The following ACOT11 variants were observed in gnomAD, a reference collection of about 807,000 sequenced individuals.
ACOT11 encodes the protein acyl-CoA thioesterase 11, also known as acyl-coenzyme A thioesterase 11.
In ACOT11, 69 loss-of-function variants were observed where a neutral mutation model predicts 77.5. The observed-to-expected ratio is 0.89, with a 90% CI of 0.73 to 1.09. The LOEUF is 1.09. ACOT11 is among the 50% of genes least tolerant of loss of function. ACOT11 has a pLI of 0.00. For missense variants in ACOT11, 766 were observed against 813.7 expected (o/e 0.94, Z 0.71); for synonymous variants, 279 against 313.0 (o/e 0.89, Z 1.15).
intron 1 of ACOT11, among the ~76,000 whole-genome samples, chr1:54,562,111 C>A (rs1653527375): frequency 2.9e-5 from 2 of 69,350 alleles, no homozygotes; most frequent in Non-Finnish European, 5.3e-5. Flanking sequence ...CAACCTCCCT[C>A]CCGGACGGGG....
chr1:54,623,441 T>C, intron 15 of ACOT11: 1 of 1,369,514 alleles, frequency 7.3e-7, no homozygotes, highest in South Asian at 1.2e-5. Flanking sequence ...CGGCCCAGAG[T>C]CCCTGAGGCT....
chr1:54,562,503 CA>C (rs1356917754), intron 1 of ACOT11, among the ~76,000 whole-genome samples: 5 of 90,626 alleles, frequency 5.5e-5, no homozygotes, highest in Admixed American at 8.8e-5. Context: ...CTGACCCCCC[CA>C]CCTCCCTCCC....
chr1:54,611,126 T>G, downstream of ACOT11: 1 of 689,278 alleles, frequency 1.5e-6, no homozygotes, highest in South Asian at 6.5e-5. Flanking sequence ...ATGGAATCCC[T>G]CAGTTTCTCT....
At chr1:54,614,964 G>GCACA, downstream of ACOT11, 1 of 1,182,544 alleles carries the variant, frequency 8.5e-7, no homozygotes, top group Non-Finnish European at 1.2e-6. Context: ...GCATGTGCGT[G>GCACA]CACAGTGGAG....
intron 3 of ACOT11, among the ~76,000 whole-genome samples, chr1:54,590,587 A>AT (rs1394124834): frequency 6.6e-6 from 1 of 152,092 alleles, no homozygotes; most frequent in Non-Finnish European, 1.5e-5. Context: ...ATAGACTTTT[A>AT]TTTTTATCTG....
rs759911661 is a variant in ACOT11 at position 54,597,423 on chromosome 1, C to G, written c.764+8C>G. 3.1e-6 allele frequency: 5 copies of G among 1,604,856 alleles called. No individual in the cohort carries two copies. In the Admixed American group the frequency reaches 8.4e-5, roughly 27 times the overall value. On this transcript the variant is annotated splice_region_variant and intron_variant, in intron 7 of 15. Coordinates refer to ENST00000343744, the MANE Select transcript of ACOT11 (RefSeq NM_147161.4). ...GGCCACCATTGCAGCCAGGTGAGGG[C>G]AGGGTGTGCTGCCTCTGCCTCCCCT...
intron 3 of ACOT11, among the ~76,000 whole-genome samples, chr1:54,590,921 A>G (rs532229757): frequency 9.9e-5 from 15 of 152,040 alleles, no homozygotes; most frequent in African/African-American, 3.1e-4. Context: ...TGCTCAGCTT[A>G]TTTATTTATT....
intron 1 of ACOT11, among the ~76,000 whole-genome samples, chr1:54,569,981 T>C (rs186680877): frequency 1.3e-5 from 2 of 152,304 alleles, no homozygotes; most frequent in African/African-American, 4.8e-5. Flanking sequence ...ATTGAACACA[T>C]ATTTACTGAG....
chr1:54,584,075 C>T lies in ACOT11; in HGVS notation c.34-580C>T, dbSNP rs1654414289. On this transcript the variant is annotated intron_variant, in intron 1 of 15. Coordinates refer to ENST00000343744, the MANE Select transcript of ACOT11 (RefSeq NM_147161.4). The surrounding 1 kb of genome is among the most constrained non-coding windows in gnomAD (Gnocchi z 6.3). The stretch of plus-strand genomic sequence containing the variant: ...TTGTACCCAGCCCTGGATCAGACAG[C>T]TGGTCTGTGACTGCCCACAGCCCTC... 6.6e-6 allele frequency among the ~76,000 whole-genome samples: 1 copy of T among 152,190 alleles called. No individual in the cohort carries two copies. The highest frequency in any genetic ancestry group is 2.4e-5 in the African/African-American group (1 of 41,452).
intron 1 of ACOT11, among the ~76,000 whole-genome samples, chr1:54,569,643 C>G (rs1653868811): frequency 6.6e-6 from 1 of 152,192 alleles, no homozygotes; most frequent in South Asian, 2.1e-4. Flanking sequence ...CTTCAACAGC[C>G]ACAGGGTGCC....
exon 17 of ACOT11, chr1:54,635,610 G>A: frequency 5.0e-6 from 1 of 199,806 alleles, no homozygotes; most frequent in Admixed American, 5.9e-5. Context: ...GTGCTTAAAG[G>A]AGCTGCAGAA....
exon 17 of ACOT11, chr1:54,638,513 A>C (rs1644343109): frequency 6.6e-6 from 1 of 152,122 alleles, no homozygotes; most frequent in Non-Finnish European, 1.5e-5. Context: ...GTGCGCCACC[A>C]GGCCCAGCTA....
chr1:54,604,958 C>A, intron 12 of ACOT11, 118 bp from the exon 13 acceptor site: 1 of 1,051,882 alleles, frequency 9.5e-7, no homozygotes, highest in East Asian at 2.5e-5. Flanking sequence ...GGTTGAGCTG[C>A]GTGTTCACAT....
At chr1:54,553,117 A>T (rs1268618023) in intron 1 of ACOT11, among the ~76,000 whole-genome samples, 1 of 151,858 alleles carries the variant, frequency 6.6e-6, no homozygotes, top group Non-Finnish European at 1.5e-5. Context: ...GTGAACCACC[A>T]TGCCCGGCCA....
In ACOT11 at chr1:54,570,615, C is replaced by T. The variant is rs542691042; in HGVS notation, c.34-14040C>T. On this transcript the variant is annotated intron_variant, in intron 1 of 15. Coordinates refer to ENST00000343744, the MANE Select transcript of ACOT11 (RefSeq NM_147161.4). ...ACAACCTCCACCTCCTGGGTTCAAGCGATTCTCCTGCCTCAGCCTCCCAAA... is the reference window on the plus strand; with the variant it reads ...ACAACCTCCACCTCCTGGGTTCAAGTGATTCTCCTGCCTCAGCCTCCCAAA... Among the ~76,000 whole-genome samples, 6 of 152,048 alleles carry T rather than the reference C, an allele frequency of 3.9e-5. No individual in the cohort carries two copies. The South Asian group carries it at 1.0e-3, about 26-fold the overall frequency.
chr1:54,634,525 G>T (rs1276010790), intron 16 of ACOT11, among the ~76,000 whole-genome samples: 3 of 152,032 alleles, frequency 2.0e-5, no homozygotes, highest in Non-Finnish European at 1.5e-5. Context: ...TCATACCGAT[G>T]AACAACTGAT....
chr1:54,612,727 G>A (rs751927132), downstream of ACOT11: 3 of 1,603,594 alleles, frequency 1.9e-6, no homozygotes, highest in East Asian at 6.7e-5. Flanking sequence ...AAAAATCAGA[G>A]ATGTTGGTCT....
chr1:54,610,595 T>C, downstream of ACOT11: 1 of 1,597,782 alleles, frequency 6.3e-7, no homozygotes, highest in Non-Finnish European at 8.5e-7. Flanking sequence ...TGGCTGCCAT[T>C]CACAGAACAC....
chr1:54,581,211 T>A (rs1172858484), intron 1 of ACOT11, among the ~76,000 whole-genome samples: 1 of 152,148 alleles, frequency 6.6e-6, no homozygotes. Context: ...TCTGGTGCTG[T>A]GTGGAGGCTG....
Sources: gnomAD v4.1 joint callset for allele counts (sites outside exome capture counted in the v4.1 genomes callset) on GRCh38, gnomAD v4.1.1 for gene constraint, Gnocchi (gnomAD v3.1) non-coding constraint, MANE v1.5 for transcripts, NCBI Gene and HGNC (gene_info 2026-07-23, HGNC 2026-07-21) for gene names.